RNASEH2B: variants seen among roughly 807,000 people sequenced by gnomAD.
RNASEH2B encodes ribonuclease H2 subunit B, also known as Aicardi-Goutieres syndrome 2 protein.
A neutral mutation model predicts 45.0 loss-of-function variants in RNASEH2B; 36 were observed. That is an observed-to-expected ratio of 0.80 (90% CI 0.61 to 1.06). The LOEUF is 1.06. Among genes scored for constraint, RNASEH2B ranks in the 50% least tolerant of loss-of-function variants. The probability of loss-of-function intolerance (pLI) is 0.00; values close to 1 mark genes in which losing one functional copy is unlikely to be tolerated. For synonymous variants in RNASEH2B, 119 were observed against 125.7 expected (o/e 0.95, Z 0.35); for missense variants, 361 against 360.3 (o/e 1.00, Z -0.02).
chr13:50,925,420 T>C (rs1315429323), intron 1 of RNASEH2B, among the ~76,000 whole-genome samples: 1 of 152,212 alleles, frequency 6.6e-6, no homozygotes, highest in African/African-American at 2.4e-5. Context: ...GAATTTTGTC[T>C]TTTTGGGTGA....
chr13:50,960,532 G>T (rs1217567232), downstream of RNASEH2B, among the ~76,000 whole-genome samples: 1 of 152,014 alleles, frequency 6.6e-6, no homozygotes, highest in African/African-American at 2.4e-5. Context: ...TTAATAATTG[G>T]TGTTGGTTGT....
intron 4 of RNASEH2B, among the ~76,000 whole-genome samples, chr13:50,932,800 G>A (rs919241670): frequency 6.6e-6 from 1 of 152,134 alleles, no homozygotes. Context: ...TTAATCCTTA[G>A]ATCAAATTCC....
At chr13:50,934,769 G>A (rs1951724666) in intron 4 of RNASEH2B, 116 bp from the exon 5 acceptor site, 1 of 737,632 alleles carries the variant, frequency 1.4e-6, no homozygotes, top group African/African-American at 1.7e-5. Flanking sequence ...AGATGGAATA[G>A]GTGGCTTCTG....
chr13:50,956,337 C>T, intron 10 of RNASEH2B, 21 bp from the exon 11 acceptor site: 1 of 1,558,076 alleles, frequency 6.4e-7, no homozygotes, highest in Non-Finnish European at 8.8e-7. Flanking sequence ...AACAATTTTT[C>T]TCTCTTATTT....
At chr13:50,953,045 G>C (rs968435438) in intron 9 of RNASEH2B, 5 of 152,126 alleles carry the variant, frequency 3.3e-5, no homozygotes, top group African/African-American at 1.2e-4. Flanking sequence ...ATCCATGTTG[G>C]GTCTGGTCAA....
chr13:50,909,981 C>A lies in RNASEH2B; in HGVS notation c.-96C>A. On this transcript the variant is annotated 5_prime_UTR_variant, in exon 1 of 11. Transcript: ENST00000336617. ...CTGCCGGTCCCTCAGCGCGCCGCGC[C>A]ACCCGGAACAGACCCTTCTCCCGCC... 1 of 1,120,184 alleles carries A rather than the reference C, an allele frequency of 8.9e-7. No homozygotes were observed. The highest frequency in any genetic ancestry group is 1.2e-6 in the Non-Finnish European group (1 of 819,314). The allele number at this position is 1,120,184 out of a possible 1,614,324, so 69.4% of individuals were successfully genotyped here. A position where few individuals can be genotyped will look rare whatever the true frequency, so the allele number is the denominator to read the frequency against.
intron 8 of RNASEH2B, chr13:50,948,600 A>T (rs1307564926): frequency 6.5e-6 from 1 of 152,798 alleles, no homozygotes; most frequent in African/African-American, 2.4e-5. Context: ...CTTTATAAAG[A>T]GCTTATACAT....
intron 1 of RNASEH2B, among the ~76,000 whole-genome samples, chr13:50,915,739 G>A (rs1879705742): frequency 6.6e-6 from 1 of 152,196 alleles, no homozygotes; most frequent in South Asian, 2.1e-4. Flanking sequence ...CTTGTCTAAG[G>A]ATGACTGTTT....
intron 5 of RNASEH2B, chr13:50,937,545 G>A (rs1951771426): frequency 6.6e-6 from 1 of 151,936 alleles, no homozygotes; most frequent in Admixed American, 6.6e-5. Context: ...ATTTTTAAAT[G>A]GGGGGAAAAA....
At position 50,930,759 on chromosome 13, in the gene RNASEH2B, G is replaced by A. The variant is rs1405304207; in HGVS notation, c.321G>A (p.Glu107=). The A allele has an allele frequency of 1.9e-6, 3 of 1,611,782 alleles. No individual in the cohort carries two copies. Among genetic ancestry groups the A allele is most frequent in the Non-Finnish European group, 2.5e-6 (3 of 1,177,966 alleles). ...ACTACCTCATAAAGGCTGATAAGGA[G>A]GTGAGTTTCCAGCTCGGAGCATCCA... ...LLHYLIKADK[E]GKFQPLDQVV... The change falls in exon 4 of 11, where the codon GAG becomes GAA. Residue 107 remains glutamate, a splice_region_variant and synonymous_variant. Transcript: ENST00000336617.
At chr13:50,932,054 A>T (rs535593609) in intron 4 of RNASEH2B, among the ~76,000 whole-genome samples, 26 of 152,134 alleles carry the variant, frequency 1.7e-4, no homozygotes, top group Admixed American at 3.3e-4. Flanking sequence ...TCATAGTGGC[A>T]GATAGAAATT....
chr13:50,953,768 AAAGT>A, intron 9 of RNASEH2B, 133 bp from the exon 10 acceptor site: 1 of 660,152 alleles, frequency 1.5e-6, no homozygotes, highest in South Asian at 1.7e-5. Context: ...GAGCCTGTAA[AAAGT>A]AAGCCCTTTG....
chr13:50,946,952 A>G (rs903923296), intron 7 of RNASEH2B, among the ~76,000 whole-genome samples: 3 of 152,216 alleles, frequency 2.0e-5, no homozygotes, highest in Admixed American at 6.5e-5. Flanking sequence ...GAAGGGTCAA[A>G]TGATAACTTT....
chr13:50,965,110 A>C (rs765771069), intron 9 of RNASEH2B, among the ~76,000 whole-genome samples: 3 of 152,246 alleles, frequency 2.0e-5, no homozygotes, highest in Non-Finnish European at 2.9e-5. Context: ...CACAGAGCTG[A>C]AAAATTCCTA....
chr13:50,953,783 C>T, intron 9 of RNASEH2B, 122 bp from the exon 10 acceptor site: 1 of 690,532 alleles, frequency 1.4e-6, no homozygotes, highest in Non-Finnish European at 2.6e-6. Context: ...AAGCCCTTTG[C>T]TGGGTCTGCT....
intron 5 of RNASEH2B, chr13:50,938,216 G>A (rs1453307842): frequency 1.3e-5 from 2 of 152,066 alleles, no homozygotes; most frequent in East Asian, 3.8e-4. Context: ...AACACAATAT[G>A]TTCAAGACCA....
chr13:50,930,238 GCA>G (rs1951659738), intron 3 of RNASEH2B: 1 of 295,184 alleles, frequency 3.4e-6, no homozygotes, highest in South Asian at 3.2e-5. Flanking sequence ...AGAGAGAATG[GCA>G]CTGCTTTCCC....
At chr13:50,928,340 A>G (rs1229184434) in intron 2 of RNASEH2B, 1 of 152,354 alleles carries the variant, frequency 6.6e-6, no homozygotes, top group Admixed American at 6.5e-5. Context: ...GAAGAAACAC[A>G]TTCCTGACTT....
intron 10 of RNASEH2B, chr13:50,956,112 A>G (rs1033972948): frequency 2.4e-4 from 105 of 434,990 alleles, no homozygotes; most frequent in Non-Finnish European, 3.8e-4. Flanking sequence ...AGTGTAAACC[A>G]TTGGTTGGAA....
Sources: gnomAD v4.1 joint callset for allele counts (sites outside exome capture counted in the v4.1 genomes callset) on GRCh38, gnomAD v4.1.1 for gene constraint, MANE v1.5 for transcripts, NCBI Gene and HGNC (gene_info 2026-07-23, HGNC 2026-07-21) for gene names.